Variants in SULT1B1 observed in about 807,000 individuals in gnomAD.
The protein encoded by SULT1B1 is sulfotransferase 1B1.
In SULT1B1, 28 loss-of-function variants were observed where a neutral mutation model predicts 34.6. The ratio of observed to expected loss-of-function variants is 0.81; its 90% CI spans 0.60 to 1.11. SULT1B1 has a LOEUF of 1.11. Ranked by LOEUF, SULT1B1 falls within the 50% of genes least tolerant of loss-of-function variation. SULT1B1 has a pLI of 0.00. For missense variants in SULT1B1, 374 were observed against 352.2 expected (o/e 1.06, Z -0.50); for synonymous variants, 147 against 110.2 (o/e 1.33, Z -2.09).
In SULT1B1 at chr4:69,721,888, T is replaced by C. The variant is rs533412332; in HGVS notation, c.*5200A>G. ...CATCATGGTTCTGTTAGAGAAAGAT[T>C]GTAATATGAGATTATTTTAAGTGTT... On this transcript the variant is annotated 3_prime_UTR_variant, in exon 8 of 8. Coordinates refer to ENST00000310613, the MANE Select transcript of SULT1B1 (RefSeq NM_014465.4). 2.0e-5 allele frequency: 3 copies of C among 152,228 alleles called. No individual in the cohort carries two copies. Among genetic ancestry groups the C allele is most frequent in the East Asian group, 3.9e-4 (2 of 5,180 alleles). The allele number at this position is 152,228 out of a possible 1,614,324, so 9.4% of individuals were successfully genotyped here.
chr4:69,749,595 T>G (rs1718892250), intron 4 of SULT1B1, 126 bp downstream of exon 4: 1 of 542,232 alleles, frequency 1.8e-6, no homozygotes, highest in African/African-American at 1.9e-5. Context: ...ACAACGTGAG[T>G]GGGTATAGTA....
At position 69,722,482 on chromosome 4, in the gene SULT1B1, G is replaced by A. The variant is rs571939539; in HGVS notation, c.*4606C>T. On this transcript the variant is annotated 3_prime_UTR_variant, in exon 8 of 8. Transcript: ENST00000310613. ...ATTTAGTTTACTTCTCGTGGACAAG[G>A]GTATTGGAGAAAGCTGGAACTAGTT... 2.0e-5 allele frequency: 3 copies of A among 151,956 alleles called. No homozygotes were observed. Among genetic ancestry groups the A allele is most frequent in the South Asian group, 2.1e-4 (1 of 4,810 alleles). The allele number at this position is 151,956 out of a possible 1,614,324, so 9.4% of individuals were successfully genotyped here.
chr4:69,744,421 G>A (rs1036118137), intron 4 of SULT1B1, among the ~76,000 whole-genome samples: 14 of 152,160 alleles, frequency 9.2e-5, no homozygotes, highest in African/African-American at 3.1e-4. Context: ...GGGTCATGGG[G>A]CACAGGGGTC....
intron 1 of SULT1B1, among the ~76,000 whole-genome samples, chr4:69,755,916 A>G (rs1197728661): frequency 6.6e-6 from 1 of 152,104 alleles, no homozygotes; most frequent in African/African-American, 2.4e-5. Flanking sequence ...AATTACATGT[A>G]TATTAGGCCA....
intron 4 of SULT1B1, among the ~76,000 whole-genome samples, chr4:69,747,167 G>C (rs1202879577): frequency 6.6e-6 from 1 of 152,210 alleles, no homozygotes; most frequent in Admixed American, 6.5e-5. Flanking sequence ...TGACATGGGA[G>C]AGTGTAATCC....
At chr4:69,758,601 C>T (rs1467048471) in intron 1 of SULT1B1, 2 of 445,890 alleles carry the variant, frequency 4.5e-6, no homozygotes, top group African/African-American at 4.3e-5. Flanking sequence ...TGTTTAGTAG[C>T]AGTATAACTT....
At chr4:69,734,753 G>A (rs1238045880) in intron 4 of SULT1B1, among the ~76,000 whole-genome samples, 1 of 151,604 alleles carries the variant, frequency 6.6e-6, no homozygotes, top group Admixed American at 6.6e-5. Flanking sequence ...GATATTAAAA[G>A]GCATTAAAAT....
chr4:69,733,998 A>G (rs1167894845), intron 5 of SULT1B1, 140 bp downstream of exon 5: 8 of 688,608 alleles, frequency 1.2e-5, no homozygotes, highest in Non-Finnish European at 1.7e-5. Context: ...TAGATGCATT[A>G]GATTTAGTTT....
rs143515338 is a variant in SULT1B1, at chr4:69,754,580, C to T, written c.277+90G>A. ...CTTCCATTTTATGTCACCAAATCTACTCCGGTTTCAGTGAAAGTCACACAT... is the reference window on the plus strand; with the variant it reads ...CTTCCATTTTATGTCACCAAATCTATTCCGGTTTCAGTGAAAGTCACACAT... On this transcript the variant is annotated intron_variant, in intron 3 of 7. Coordinates refer to ENST00000310613, the MANE Select transcript of SULT1B1 (RefSeq NM_014465.4). 89 of 1,319,132 alleles carry T rather than the reference C, an allele frequency of 6.7e-5. No homozygotes were observed. In the African/African-American group the frequency reaches 1.1e-3, roughly 16 times the overall value. 81.7% of individuals were successfully genotyped at this position (1,319,132 alleles called of 1,614,324 possible).
At chr4:69,734,828 CTT>C (rs71604563) in intron 4 of SULT1B1, among the ~76,000 whole-genome samples, 8 of 135,632 alleles carry the variant, frequency 5.9e-5, no homozygotes, top group Admixed American at 7.4e-5. Context: ...CTTCGCTACT[CTT>C]TTTTTTTTTT....
intron 1 of SULT1B1, among the ~76,000 whole-genome samples, chr4:69,756,706 G>T (rs1044186622): frequency 5.3e-5 from 8 of 151,946 alleles, no homozygotes; most frequent in Non-Finnish European, 4.4e-5. Flanking sequence ...AGCTCTACTG[G>T]GTCTCCAGTT....
intron 3 of SULT1B1, among the ~76,000 whole-genome samples, chr4:69,754,299 T>C (rs1331055910): frequency 6.6e-6 from 1 of 152,172 alleles, no homozygotes; most frequent in Non-Finnish European, 1.5e-5. Context: ...GAAAAATTAA[T>C]AGTATTAGTG....
rs577499916 is a variant in SULT1B1, at chr4:69,729,727, C to A, written c.778+774G>T. Reference sequence around the variant, plus strand: ...CATAATACATTCCTAAGGCTATGCTCACTTCCTAGCATACAAATTGAAATT... The same window carrying A: ...CATAATACATTCCTAAGGCTATGCTAACTTCCTAGCATACAAATTGAAATT... On this transcript the variant is annotated intron_variant, in intron 7 of 7. Transcript: ENST00000310613. Among the ~76,000 whole-genome samples the A allele has an allele frequency of 3.9e-5, 6 of 152,158 alleles. No individual in the cohort carries two copies. The East Asian group carries it at 1.2e-3, about 29-fold the overall frequency.
intron 4 of SULT1B1, among the ~76,000 whole-genome samples, chr4:69,738,164 G>A (rs948173411): frequency 3.9e-5 from 6 of 152,148 alleles, no homozygotes; most frequent in Non-Finnish European, 8.8e-5. Flanking sequence ...GCCTCCAGCT[G>A]CATCCATGTT....
intron 4 of SULT1B1, among the ~76,000 whole-genome samples, chr4:69,740,354 A>G (rs1003710569): frequency 2.6e-5 from 4 of 152,250 alleles, no homozygotes; most frequent in Admixed American, 2.0e-4. Context: ...AAGGAGAAGC[A>G]GGTATCTTCT....
chr4:69,746,037 A>G (rs573091660), intron 4 of SULT1B1, among the ~76,000 whole-genome samples: 100 of 152,252 alleles, frequency 6.6e-4, no homozygotes, highest in African/African-American at 2.1e-3. Flanking sequence ...TGGGCCCTCA[A>G]TCTCTTCCAA....
rs374341407 is a variant in SULT1B1, at chr4:69,730,600, G to T, written c.679C>A (p.His227Asn). ...NDEILDRIIH[H>N]TSFEVMKDNP... ...TCCTTCATCACTTCAAATGAGGTGT[G>T]ATGGATGATCCTATCCAAGATCTCA... The change falls in exon 7 of 8, where the codon CAC (histidine) becomes AAC (asparagine). Residue 227 changes from histidine (H) to asparagine (N), a missense_variant. Physicochemically the swap from His to Asn is moderately conservative, Grantham distance 68. Transcript: ENST00000310613. 1 of 1,613,276 alleles carries T rather than the reference G, an allele frequency of 6.2e-7. No homozygotes were observed. Among genetic ancestry groups the T allele is most frequent in the South Asian group, 1.1e-5 (1 of 91,058 alleles).
intron 4 of SULT1B1, among the ~76,000 whole-genome samples, chr4:69,741,819 G>A (rs1211347715): frequency 6.6e-6 from 1 of 152,136 alleles, no homozygotes; most frequent in African/African-American, 2.4e-5. Context: ...AAATCATATT[G>A]ACTATGAAGA....
intron 7 of SULT1B1, among the ~76,000 whole-genome samples, chr4:69,729,546 T>C (rs941696464): frequency 3.3e-5 from 5 of 152,144 alleles, no homozygotes; most frequent in African/African-American, 1.2e-4. Flanking sequence ...ACTCTAGAAG[T>C]TATTTTTAAT....
Sources: gnomAD v4.1 joint callset for allele counts (sites outside exome capture counted in the v4.1 genomes callset) on GRCh38, gnomAD v4.1.1 for gene constraint, MANE v1.5 for transcripts, NCBI Gene and HGNC (gene_info 2026-07-23, HGNC 2026-07-21) for gene names.